The following ADGRE1 variants were observed in gnomAD, a reference collection of about 807,000 sequenced individuals.
ADGRE1 encodes the protein adhesion G protein-coupled receptor E1, also known as EGF-like module receptor 1.
ADGRE1 carries 82 observed loss-of-function variants against 102.7 expected under a neutral mutation model. The ratio of observed to expected loss-of-function variants is 0.80; its 90% CI spans 0.67 to 0.96. The LOEUF (loss-of-function observed/expected upper bound fraction) is 0.96. Among genes scored for constraint, ADGRE1 ranks in the 40% least tolerant of loss-of-function variants. ADGRE1 has a pLI of 0.00. For synonymous variants in ADGRE1, 398 were observed against 399.6 expected, an observed-to-expected ratio of 1.00 and a Z score of 0.05; for missense variants, 1,032 against 1,085.3, an observed-to-expected ratio of 0.95 and a Z score of 0.69.
chr19:6,937,631 C>A lies in ADGRE1; in HGVS notation c.2638C>A (p.Pro880Thr), dbSNP rs146614136. ...CTCAAGGATCTTGCTGTCCTCCATG[C>A]CATCCGCTTCCAAGACGGTGAGAGA... ...QTSRILLSSM[P>T]SASKTG The change falls in exon 20 of 21, where the codon CCA becomes ACA. Residue 880 changes from proline (P) to threonine (T), a missense_variant. By Grantham distance (38) the Pro-to-Thr change is conservative. Transcript: ENST00000312053. 9.3e-4 allele frequency: 1,498 copies of A among 1,614,028 alleles called. 12 individuals carry two copies. The African/African-American group carries it at 0.016, about 18-fold the overall frequency.
chr19:6,918,622 C>T (rs547594762), intron 12 of ADGRE1, among the ~76,000 whole-genome samples: 7 of 152,230 alleles, frequency 4.6e-5, no homozygotes, highest in South Asian at 4.1e-4. Context: ...AACAGAATAA[C>T]CATAGATGTG....
chr19:6,899,943 AAAT>A (rs1973706185), intron 5 of ADGRE1, among the ~76,000 whole-genome samples: 1 of 151,552 alleles, frequency 6.6e-6, no homozygotes, highest in African/African-American at 2.4e-5. Context: ...ATACAAAAAA[AAAT>A]AGCTGGGCCT....
At chr19:6,915,628 A>C (rs1463831470) in intron 11 of ADGRE1, among the ~76,000 whole-genome samples, 1 of 152,098 alleles carries the variant, frequency 6.6e-6, no homozygotes, top group African/African-American at 2.4e-5. Flanking sequence ...TGGTTTTAGA[A>C]AACTTATATA....
Position 6,908,783 on chromosome 19 carries a change from G to A in ADGRE1, c.1122+11G>A. On this transcript the variant is annotated intron_variant, in intron 10 of 20. Coordinates refer to ENST00000312053, the MANE Select transcript of ADGRE1 (RefSeq NM_001974.5). ...GTAGTTTCTCTGAAGGTAACGATTG[G>A]GTCTTTTAAATTGTGTTTTGAGTTT... The A allele has an allele frequency of 1.9e-6, 3 of 1,600,366 alleles. No individual in the cohort carries two copies. In the South Asian group the frequency reaches 3.4e-5, roughly 18 times the overall value.
rs201441547 is a variant in ADGRE1 at position 6,937,544 on chromosome 19, G to C, written c.2551G>C (p.Val851Leu). 6.2e-7 allele frequency: 1 copy of C among 1,613,250 alleles called. No individual in the cohort carries two copies. Among genetic ancestry groups the C allele is most frequent in the Non-Finnish European group, 8.5e-7 (1 of 1,179,540 alleles). ...FLIHCLLNGQ[V>L]REEYKRWITG... is the part of the protein sequence containing the mutation. ...CTGGATGATGTGTCTCCTTCTCCAG[G>C]TACGAGAAGAATACAAGAGGTGGAT... The change falls in exon 20 of 21, where the codon GTA (valine) becomes CTA (leucine). Residue 851 changes from valine to leucine, a missense_variant and splice_region_variant. Coordinates refer to ENST00000312053, the MANE Select transcript of ADGRE1 (RefSeq NM_001974.5).
rs1975611936 is a variant in ADGRE1, at chr19:6,940,124, T to G, written c.*95T>G. 1 of 1,431,322 alleles carries G rather than the reference T, an allele frequency of 7.0e-7. No homozygotes were observed. The highest frequency in any genetic ancestry group is 1.9e-5 in the Admixed American group (1 of 53,920). 88.7% of individuals were successfully genotyped at this position (1,431,322 alleles called of 1,614,324 possible). A position where few individuals can be genotyped will look rare whatever the true frequency, so the allele number is the denominator to read the frequency against. ...CCTGAAATCTCTTCTCAGCTTAACA[T>G]GGAAATGAGGATCCCACCAGCCCCA... is the stretch of plus-strand genomic sequence containing the variant. On this transcript the variant is annotated 3_prime_UTR_variant, in exon 21 of 21. Transcript: ENST00000312053.
rs1053209613 is a variant in ADGRE1, at chr19:6,937,959, T to C, written c.2655+311T>C. Among the ~76,000 whole-genome samples, 30 of 151,524 alleles carry C rather than the reference T, an allele frequency of 2.0e-4. No homozygotes were observed. In the South Asian group the frequency reaches 6.0e-3, roughly 30 times the overall value. On this transcript the variant is annotated intron_variant, in intron 20 of 20. Coordinates refer to ENST00000312053, the MANE Select transcript of ADGRE1 (RefSeq NM_001974.5). Reference sequence around the variant, plus strand: ...AAAAATAATACATATTTATATGTTATGTTTATAAAATACATTTATATGCAC... The same window carrying C: ...AAAAATAATACATATTTATATGTTACGTTTATAAAATACATTTATATGCAC...
chr19:6,916,061 T>C (rs576308903), intron 11 of ADGRE1, among the ~76,000 whole-genome samples, 188 bp from the exon 12 acceptor site: 2 of 152,038 alleles, frequency 1.3e-5, no homozygotes, highest in East Asian at 1.9e-4. Flanking sequence ...GCTGGGTTAC[T>C]CATTTATTTG....
At chr19:6,888,318 C>G (rs1455311040) in intron 1 of ADGRE1, among the ~76,000 whole-genome samples, 1 of 152,132 alleles carries the variant, frequency 6.6e-6, no homozygotes, top group Non-Finnish European at 1.5e-5. Context: ...AGGGAGAAGT[C>G]TGGGGTTGAG....
intron 1 of ADGRE1, among the ~76,000 whole-genome samples, chr19:6,889,957 G>A (rs1160108297): frequency 1.3e-5 from 2 of 151,962 alleles, no homozygotes; most frequent in Non-Finnish European, 2.9e-5. Context: ...GGGTCACCTA[G>A]GCTGGAGCGC....
chr19:6,888,131 G>A (rs1304967014), intron 1 of ADGRE1, among the ~76,000 whole-genome samples: 1 of 152,190 alleles, frequency 6.6e-6, no homozygotes, highest in Non-Finnish European at 1.5e-5. Context: ...TTTTCCCAAG[G>A]CCACTTAGTC....
intron 1 of ADGRE1, among the ~76,000 whole-genome samples, chr19:6,889,783 T>C (rs531391195): frequency 2.0e-4 from 31 of 152,032 alleles, no homozygotes; most frequent in African/African-American, 7.2e-4. Flanking sequence ...CCTATATATG[T>C]ATTTTCTATA....
In ADGRE1 at chr19:6,924,621, C is replaced by T. The variant is rs576109717; in HGVS notation, c.1792-57C>T. The T allele has an allele frequency of 6.5e-5, 100 of 1,528,804 alleles. 1 individual carries two copies. Among genetic ancestry groups the T allele is most frequent in the African/African-American group, 3.0e-4 (22 of 72,960 alleles). The allele number at this position is 1,528,804 out of a possible 1,614,324, so 94.7% of individuals were successfully genotyped here. On this transcript the variant is annotated intron_variant, in intron 14 of 20. Coordinates refer to ENST00000312053, the MANE Select transcript of ADGRE1 (RefSeq NM_001974.5). ...CAGGGTTTTAGATAACTCTTCTTCC[C>T]GCCTGGGGGGATTTTGATCCCATTC... is the stretch of plus-strand genomic sequence containing the variant.
intron 15 of ADGRE1, 22 bp downstream of exon 15, chr19:6,924,894 T>A (rs571063039): frequency 6.2e-7 from 1 of 1,611,302 alleles, no homozygotes; most frequent in African/African-American, 1.3e-5. Flanking sequence ...TCGGGCTGTG[T>A]CCCCACCAAG....
At chr19:6,924,001 C>T (rs186898287) in intron 14 of ADGRE1, among the ~76,000 whole-genome samples, 47 of 151,454 alleles carry the variant, frequency 3.1e-4, no homozygotes, top group Middle Eastern at 3.4e-3. Flanking sequence ...TAGCTTGTCA[C>T]GTTCCACTCC....
intron 2 of ADGRE1, among the ~76,000 whole-genome samples, chr19:6,891,614 T>C (rs112335245): frequency 0.068 from 10,392 of 151,972 alleles, 847 homozygotes; most frequent in African/African-American, 0.19. Flanking sequence ...CCACCACGCC[T>C]GGCTAATTTT....
At chr19:6,922,444 G>A (rs1019625975) in intron 14 of ADGRE1, among the ~76,000 whole-genome samples, 6 of 151,330 alleles carry the variant, frequency 4.0e-5, no homozygotes, top group East Asian at 3.9e-4. Flanking sequence ...TGAAACCCCC[G>A]TCTCTACTAA....
intron 17 of ADGRE1, chr19:6,928,624 G>T: frequency 7.9e-6 from 1 of 127,260 alleles, no homozygotes; most frequent in East Asian, 1.6e-4. Flanking sequence ...GTGAAACTCC[G>T]TCTCAAAAAA....
intron 2 of ADGRE1, chr19:6,895,477 ACT>A (rs1366140743): frequency 2.6e-5 from 4 of 152,102 alleles, no homozygotes; most frequent in Non-Finnish European, 4.4e-5. Flanking sequence ...TGCAGTTTTC[ACT>A]CTCACACTTT....
Sources: gnomAD v4.1 joint callset for allele counts (sites outside exome capture counted in the v4.1 genomes callset) on GRCh38, gnomAD v4.1.1 for gene constraint, MANE v1.5 for transcripts, NCBI Gene and HGNC (gene_info 2026-07-23, HGNC 2026-07-21) for gene names.